The following SEMA4D variants were observed in gnomAD, a reference collection of about 807,000 sequenced individuals.
The protein encoded by SEMA4D is semaphorin 4D, also known as semaphorin-4D.
SEMA4D carries 22 observed loss-of-function variants against 74.8 expected under a neutral mutation model. That is an observed-to-expected ratio of 0.29 (90% CI 0.21 to 0.42). SEMA4D has a LOEUF of 0.42. Among genes scored for constraint, SEMA4D ranks in the 10% least tolerant of loss-of-function variants. The probability of loss-of-function intolerance (pLI) is 1.00; values close to 1 mark genes in which losing one functional copy is unlikely to be tolerated. For synonymous variants in SEMA4D, 445 were observed against 463.7 expected (o/e 0.96, Z 0.52); for missense variants, 937 against 1,118.4 (o/e 0.84, Z 2.31).
At chr9:89,431,148 T>C (rs752253323) in intron 2 of SEMA4D, among the ~76,000 whole-genome samples, 1 of 152,208 alleles carries the variant, frequency 6.6e-6, no homozygotes, top group Non-Finnish European at 1.5e-5. Context: ...AGCACTTAAG[T>C]GCAAGCTTAC....
chr9:89,483,669 G>T (rs554300787), intron 1 of SEMA4D, among the ~76,000 whole-genome samples: 1 of 121,140 alleles, frequency 8.3e-6, no homozygotes. Context: ...AAAATATCAG[G>T]GGGTGTCACA....
chr9:89,362,263 C>T, exon 19 of SEMA4D: 2 of 1,456,572 alleles, frequency 1.4e-6, no homozygotes, highest in East Asian at 2.3e-5. Context: ...GGTGGTGGCC[C>T]AATGGCTGTG....
At chr9:89,409,777 GAT>G (rs1182272794) in intron 2 of SEMA4D, among the ~76,000 whole-genome samples, 5 of 152,096 alleles carry the variant, frequency 3.3e-5, no homozygotes, top group African/African-American at 7.2e-5. Flanking sequence ...CTGTTGGAGA[GAT>G]ATGGTTTACA....
chr9:89,477,253 C>G (rs571483319), intron 1 of SEMA4D, among the ~76,000 whole-genome samples: 1 of 142,476 alleles, frequency 7.0e-6, no homozygotes, highest in Admixed American at 7.3e-5. Flanking sequence ...GGTACATGCA[C>G]GTACACACAC....
chr9:89,490,337 CA>C (rs1321178907), intron 1 of SEMA4D, among the ~76,000 whole-genome samples: 21 of 152,176 alleles, frequency 1.4e-4, no homozygotes, highest in African/African-American at 5.1e-4. Context: ...ATCTAAAAAA[CA>C]TTATGCAGAG....
intron 1 of SEMA4D, among the ~76,000 whole-genome samples, chr9:89,494,415 A>T (rs1488185845): frequency 1.3e-5 from 2 of 152,194 alleles, no homozygotes; most frequent in African/African-American, 4.8e-5. Flanking sequence ...CACCAGGTCC[A>T]CATAGGCGGC....
chr9:89,445,854 G>T (rs1054466708), intron 2 of SEMA4D, among the ~76,000 whole-genome samples: 1 of 152,102 alleles, frequency 6.6e-6, no homozygotes, highest in African/African-American at 2.4e-5. Flanking sequence ...GCCTCAGGCG[G>T]GTTCCCTACC....
intron 2 of SEMA4D, among the ~76,000 whole-genome samples, chr9:89,440,335 T>C (rs1851424487): frequency 6.6e-6 from 1 of 152,118 alleles, no homozygotes; most frequent in African/African-American, 2.4e-5. Context: ...CCCCATGGTA[T>C]AGCTACATGA....
At chr9:89,468,094 C>T (rs575172603) in intron 1 of SEMA4D, among the ~76,000 whole-genome samples, 4 of 152,356 alleles carry the variant, frequency 2.6e-5, no homozygotes, top group East Asian at 3.9e-4. Context: ...CTCATCCAAA[C>T]GACTTTGATC....
rs1454478158 is a variant in SEMA4D at position 89,492,447 on chromosome 9, T to C, written c.-310+5472A>G. Among the ~76,000 whole-genome samples, 2 of 152,090 alleles carry C rather than the reference T, an allele frequency of 1.3e-5. No individual in the cohort carries two copies. The highest frequency in any genetic ancestry group is 4.8e-5 in the African/African-American group (2 of 41,406). ...AAATGTCATCTCTATAGCTACAATA[T>C]ATTGCCAAGATTAGGGTCCCAGCTC... On this transcript the variant is annotated intron_variant, in intron 1 of 15. Coordinates refer to ENST00000422704, the MANE Select transcript of SEMA4D (RefSeq NM_001371194.2). This position sits in a 1 kb window ranked among gnomAD's most constrained non-coding sequence, Gnocchi z 4.3.
At chr9:89,370,233 CATTT>C (rs142955473) in intron 16 of SEMA4D, among the ~76,000 whole-genome samples, 6,958 of 149,680 alleles carry the variant, frequency 0.046, 223 homozygotes, top group South Asian at 0.097. Flanking sequence ...TTGTGCTGTG[CATTT>C]ATTGTGTGCA....
At chr9:89,394,946 G>A (rs1323939426) in intron 6 of SEMA4D, among the ~76,000 whole-genome samples, 8 of 152,144 alleles carry the variant, frequency 5.3e-5, no homozygotes, top group Non-Finnish European at 1.2e-4. Flanking sequence ...GCCTGTGAAG[G>A]CATTTGGGAG....
chr9:89,407,066 C>T (rs536690730), intron 2 of SEMA4D, among the ~76,000 whole-genome samples: 1 of 151,480 alleles, frequency 6.6e-6, no homozygotes, highest in Non-Finnish European at 1.5e-5. Context: ...GAGCAATGCT[C>T]ACCTCTCATC....
At chr9:89,402,844 G>T in intron 4 of SEMA4D, 27 bp downstream of exon 4, 2 of 1,604,528 alleles carry the variant, frequency 1.2e-6, no homozygotes, top group Non-Finnish European at 1.7e-6. Flanking sequence ...TGGGCTATGT[G>T]GACATGCAGG....
intron 1 of SEMA4D, among the ~76,000 whole-genome samples, chr9:89,496,421 G>A (rs536290382): frequency 1.9e-4 from 29 of 152,306 alleles, no homozygotes; most frequent in African/African-American, 7.0e-4. Context: ...GGACCCCAGG[G>A]CTGCTCCTGG....
intron 2 of SEMA4D, among the ~76,000 whole-genome samples, chr9:89,439,355 AAT>A (rs1323096192): frequency 6.6e-6 from 1 of 152,208 alleles, no homozygotes; most frequent in Non-Finnish European, 1.5e-5. Flanking sequence ...ATAGATTCAG[AAT>A]ATATGAGTTA....
intron 16 of SEMA4D, among the ~76,000 whole-genome samples, chr9:89,370,201 G>A (rs2132400251): frequency 6.6e-6 from 1 of 151,762 alleles, no homozygotes; most frequent in East Asian, 1.9e-4. Flanking sequence ...TGTGGTGTGT[G>A]TGATTTGGTG....
At chr9:89,364,139 G>A (rs1833205170) in intron 16 of SEMA4D, 1 of 1,241,032 alleles carries the variant, frequency 8.1e-7, no homozygotes, top group Non-Finnish European at 1.1e-6. Flanking sequence ...CTTGGCCTTG[G>A]CCCGTCCTGT....
chr9:89,430,681 T>C (rs1849083086), intron 2 of SEMA4D, among the ~76,000 whole-genome samples: 1 of 152,194 alleles, frequency 6.6e-6, no homozygotes, highest in African/African-American at 2.4e-5. Context: ...CATCCAAATA[T>C]GCACCATCAG....
Sources: gnomAD v4.1 joint callset for allele counts (sites outside exome capture counted in the v4.1 genomes callset) on GRCh38, gnomAD v4.1.1 for gene constraint, Gnocchi (gnomAD v3.1) non-coding constraint, MANE v1.5 for transcripts, NCBI Gene and HGNC (gene_info 2026-07-23, HGNC 2026-07-21) for gene names.